GRID1: variants seen among roughly 807,000 people sequenced by gnomAD.
The protein encoded by GRID1 is glutamate receptor ionotropic, delta-1.
Under a neutral mutation model 98.0 loss-of-function variants are expected in GRID1, and 28 were observed. The ratio of observed to expected loss-of-function variants is 0.29; its 90% confidence interval spans 0.21 to 0.39. GRID1 has a LOEUF of 0.39. Among genes scored for constraint, GRID1 ranks in the 10% least tolerant of loss-of-function variants. The pLI is 1.00. For synonymous variants in GRID1, 553 were observed against 538.5 expected, an observed-to-expected ratio of 1.03 and a Z score of -0.37; for missense variants, 1,111 against 1,340.5, an observed-to-expected ratio of 0.83 and a Z score of 2.67.
intron 4 of GRID1, among the ~76,000 whole-genome samples, chr10:86,015,115 A>G (rs932301793): frequency 6.6e-6 from 1 of 152,104 alleles, no homozygotes; most frequent in Non-Finnish European, 1.5e-5. Flanking sequence ...CATACCATAT[A>G]CCTATTCATC....
chr10:86,202,778 G>T (rs1008415238), intron 3 of GRID1, among the ~76,000 whole-genome samples: 1 of 152,162 alleles, frequency 6.6e-6, no homozygotes, highest in Non-Finnish European at 1.5e-5. Flanking sequence ...GACATTCCAG[G>T]GTTTAAAGGG....
chr10:86,308,192 C>T (rs562321270), intron 2 of GRID1, among the ~76,000 whole-genome samples: 149 of 152,326 alleles, frequency 9.8e-4, no homozygotes, highest in Admixed American at 2.6e-3. Context: ...CACTCACTTT[C>T]CAGCCTGCCC....
chr10:85,688,477 G>A (rs1841293760), intron 12 of GRID1, among the ~76,000 whole-genome samples: 1 of 152,200 alleles, frequency 6.6e-6, no homozygotes, highest in African/African-American at 2.4e-5. Context: ...GCCTCCCAAA[G>A]TGCTTGAATT....
intron 4 of GRID1, among the ~76,000 whole-genome samples, chr10:85,998,529 A>T (rs11592593): frequency 0.18 from 27,224 of 152,088 alleles, 2,746 homozygotes; most frequent in East Asian, 0.27. Context: ...CTTATACTAA[A>T]AAAAAGAAAG....
At chr10:86,007,201 A>G (rs1842871402) in intron 4 of GRID1, among the ~76,000 whole-genome samples, 2 of 152,232 alleles carry the variant, frequency 1.3e-5, no homozygotes, top group South Asian at 4.1e-4. Flanking sequence ...TCCATCATAA[A>G]AGGGAAAGAA....
chr10:86,145,337 C>A (rs878865540), intron 3 of GRID1, among the ~76,000 whole-genome samples: 2 of 152,148 alleles, frequency 1.3e-5, no homozygotes, highest in Admixed American at 1.3e-4. Context: ...ATTCTCTTGC[C>A]TCAGCCTCCG....
intron 3 of GRID1, among the ~76,000 whole-genome samples, chr10:86,171,153 T>C (rs1044512241): frequency 1.3e-5 from 2 of 152,152 alleles, no homozygotes; most frequent in Non-Finnish European, 2.9e-5. Context: ...TCCCAAGGGA[T>C]CCCAAGGTGC....
At chr10:85,838,576 G>C (rs1842933097) in intron 8 of GRID1, among the ~76,000 whole-genome samples, 1 of 151,886 alleles carries the variant, frequency 6.6e-6, no homozygotes, top group Non-Finnish European at 1.5e-5. Context: ...CATTAGCAAA[G>C]GAGCATTTTC....
chr10:85,773,276 C>G (rs1160238612), intron 8 of GRID1, among the ~76,000 whole-genome samples: 2 of 152,096 alleles, frequency 1.3e-5, no homozygotes, highest in Admixed American at 6.5e-5. Flanking sequence ...TTCAACAACC[C>G]TTCATGCTAA....
chr10:85,608,471 A>C (rs1338024427), intron 15 of GRID1, among the ~76,000 whole-genome samples: 1 of 152,198 alleles, frequency 6.6e-6, no homozygotes, highest in Non-Finnish European at 1.5e-5. Context: ...TCTTTACGGG[A>C]GTCTTGACTA....
chr10:85,801,309 T>G (rs1842574902), intron 8 of GRID1, among the ~76,000 whole-genome samples: 1 of 151,940 alleles, frequency 6.6e-6, no homozygotes, highest in Admixed American at 6.6e-5. Context: ...ATTTACAAGA[T>G]GCATGTTCTT....
At chr10:85,951,186 C>T (rs528002374) in intron 4 of GRID1, among the ~76,000 whole-genome samples, 48 of 152,298 alleles carry the variant, frequency 3.2e-4, no homozygotes, top group Admixed American at 1.0e-3. Flanking sequence ...TGGCAGTTAC[C>T]ATCCTGCCTA....
chr10:86,264,558 C>T, intron 2 of GRID1: 11 of 436,722 alleles, frequency 2.5e-5, no homozygotes, highest in South Asian at 1.8e-4. Context: ...GGCCACTCCA[C>T]CTGGAGAGCA....
chr10:86,265,270 G>T (rs551746003), intron 2 of GRID1, among the ~76,000 whole-genome samples: 1 of 152,222 alleles, frequency 6.6e-6, no homozygotes, highest in South Asian at 2.1e-4. Context: ...CTCTTGTCCT[G>T]CCTTTGTCCC....
At chr10:86,244,261 C>T (rs1846685699) in intron 2 of GRID1, among the ~76,000 whole-genome samples, 1 of 152,170 alleles carries the variant, frequency 6.6e-6, no homozygotes, top group Non-Finnish European at 1.5e-5. Context: ...GGGACAGTGG[C>T]ACAGAGGAGC....
At chr10:86,034,811 G>A (rs957884738) in intron 4 of GRID1, among the ~76,000 whole-genome samples, 1 of 152,048 alleles carries the variant, frequency 6.6e-6, no homozygotes, top group African/African-American at 2.4e-5. Context: ...GATGTATGAT[G>A]GATGGATGGA....
intron 4 of GRID1, among the ~76,000 whole-genome samples, chr10:86,054,397 T>A (rs1187230433): frequency 2.0e-5 from 3 of 152,200 alleles, no homozygotes; most frequent in Admixed American, 1.3e-4. Context: ...TCTTCTCTCA[T>A]CAAAGATGAC....
At chr10:86,069,223 C>T (rs757216284) in intron 4 of GRID1, among the ~76,000 whole-genome samples, 6 of 152,162 alleles carry the variant, frequency 3.9e-5, no homozygotes, top group Non-Finnish European at 7.4e-5. Flanking sequence ...ACTGCAGACA[C>T]GATGATGTAA....
chr10:86,250,866 G>A (rs1057355836), intron 2 of GRID1, among the ~76,000 whole-genome samples: 5 of 152,314 alleles, frequency 3.3e-5, no homozygotes, highest in South Asian at 4.2e-4. Flanking sequence ...CATTGAGAAC[G>A]GGCCATGATG....
Sources: gnomAD v4.1 joint callset for allele counts (sites outside exome capture counted in the v4.1 genomes callset) on GRCh38, gnomAD v4.1.1 for gene constraint, MANE v1.5 for transcripts, NCBI Gene and HGNC (gene_info 2026-07-23, HGNC 2026-07-21) for gene names.